The following TLL1 variants were observed in gnomAD, a reference collection of about 807,000 sequenced individuals.
TLL1 encodes the protein tolloid like 1.
TLL1 carries 49 observed loss-of-function variants against 128.2 expected under a neutral mutation model. The ratio of observed to expected loss-of-function variants is 0.38; its 90% confidence interval spans 0.30 to 0.48. TLL1 has a LOEUF of 0.48. Ranked by LOEUF, TLL1 falls within the 20% of genes least tolerant of loss-of-function variation. TLL1 has a pLI of 0.96. For synonymous variants in TLL1, 454 were observed against 418.8 expected, an observed-to-expected ratio of 1.08 and a Z score of -1.03; for missense variants, 1,123 against 1,242.0, an observed-to-expected ratio of 0.90 and a Z score of 1.44.
chr4:165,951,394 T>C (rs982522558), intron 1 of TLL1, among the ~76,000 whole-genome samples: 1 of 152,094 alleles, frequency 6.6e-6, no homozygotes, highest in African/African-American at 2.4e-5. Context: ...CGACTCAGAC[T>C]GCTGGCAGGA....
At chr4:165,920,316 A>G (rs780806021) in intron 1 of TLL1, among the ~76,000 whole-genome samples, 4 of 152,236 alleles carry the variant, frequency 2.6e-5, no homozygotes, top group Non-Finnish European at 5.9e-5. Context: ...ATGTGGGCAA[A>G]GGTGAAACAT....
chr4:165,932,070 T>C (rs1733553728), intron 1 of TLL1, among the ~76,000 whole-genome samples: 2 of 152,158 alleles, frequency 1.3e-5, no homozygotes, highest in African/African-American at 4.8e-5. Context: ...CTTCTTCGCC[T>C]ACTCTGGAAT....
At position 165,989,456 on chromosome 4, in the gene TLL1, C is replaced by G. The variant is rs148035251; in HGVS notation, c.245C>G (p.Thr82Arg). The G allele has an allele frequency of 6.2e-7, 1 of 1,612,628 alleles. No homozygotes were observed. Among genetic ancestry groups the G allele is most frequent in the Non-Finnish European group, 8.5e-7 (1 of 1,179,270 alleles). Residue 82 changes from threonine to arginine, a missense_variant, in exon 2 of 21, where the codon ACG becomes AGG. By Grantham distance (71) the Thr-to-Arg change is moderately conservative. Transcript: ENST00000061240. ...CAAATAGATAGGACAATTGACCTTACGCAGAACCCCTTTGGAAACCTTGGA... is the reference window on the plus strand; with the variant it reads ...CAAATAGATAGGACAATTGACCTTAGGCAGAACCCCTTTGGAAACCTTGGA... ...IFQIDRTIDL[T>R]QNPFGNLGHT... is the part of the protein sequence containing the mutation.
intron 7 of TLL1, among the ~76,000 whole-genome samples, chr4:166,009,643 T>A (rs1737593080): frequency 6.6e-6 from 1 of 151,430 alleles, no homozygotes; most frequent in African/African-American, 2.4e-5. Flanking sequence ...ATACAGGAGA[T>A]CATATCCACC....
At chr4:165,943,302 A>T (rs1425081614) in intron 1 of TLL1, among the ~76,000 whole-genome samples, 1 of 152,072 alleles carries the variant, frequency 6.6e-6, no homozygotes, top group Non-Finnish European at 1.5e-5. Flanking sequence ...CATCTCCACG[A>T]TAAGATAGAA....
At chr4:165,985,925 C>T (rs913450512) in intron 1 of TLL1, among the ~76,000 whole-genome samples, 23 of 151,900 alleles carry the variant, frequency 1.5e-4, no homozygotes, top group Admixed American at 5.9e-4. Context: ...CCCTATTTGA[C>T]CATAAGAATC....
chr4:166,029,590 T>A (rs946910267), intron 9 of TLL1, among the ~76,000 whole-genome samples: 13 of 152,116 alleles, frequency 8.5e-5, no homozygotes, highest in Non-Finnish European at 1.9e-4. Flanking sequence ...ATATTCACTT[T>A]GTTGTGAAAC....
At chr4:166,014,692 G>A in intron 8 of TLL1, 132 bp downstream of exon 8, 1 of 1,388,020 alleles carries the variant, frequency 7.2e-7, no homozygotes, top group Non-Finnish European at 1.0e-6. Context: ...TTCAAAGTCA[G>A]TAATCATAAA....
intron 1 of TLL1, among the ~76,000 whole-genome samples, chr4:165,936,956 A>G (rs1733791368): frequency 1.3e-5 from 2 of 152,082 alleles, no homozygotes; most frequent in African/African-American, 4.8e-5. Context: ...AAAACGAAAG[A>G]CACCCAGAAA....
chr4:166,072,641 C>T (rs1215354779), intron 16 of TLL1, among the ~76,000 whole-genome samples: 5 of 151,574 alleles, frequency 3.3e-5, no homozygotes, highest in African/African-American at 1.2e-4. Flanking sequence ...AAGGACTTAA[C>T]CTTTCCACTA....
Position 166,044,306 on chromosome 4 carries a change from A to G in TLL1, c.1524+887A>G, listed in dbSNP as rs1739363624. 19 of 1,462,652 alleles carry G rather than the reference A, an allele frequency of 1.3e-5. No homozygotes were observed. In the South Asian group the frequency reaches 1.9e-4, roughly 15 times the overall value. 90.6% of individuals were successfully genotyped at this position (1,462,652 alleles called of 1,614,324 possible). A position where few individuals can be genotyped will look rare whatever the true frequency, so the allele number is the denominator to read the frequency against. On this transcript the variant is annotated intron_variant, in intron 12 of 20. Coordinates refer to ENST00000061240, the MANE Select transcript of TLL1 (RefSeq NM_012464.5). ...TACCCAGTGGGTAGTAATGAGCACT[A>G]TGAACACTACTTACTGAGGGCAGTG...
At chr4:165,985,752 A>G (rs1014650366) in intron 1 of TLL1, among the ~76,000 whole-genome samples, 3 of 151,996 alleles carry the variant, frequency 2.0e-5, no homozygotes, top group Non-Finnish European at 4.4e-5. Context: ...TCTGCATACT[A>G]TAATAAAAGC....
chr4:165,962,652 T>C, intron 1 of TLL1, among the ~76,000 whole-genome samples: 1 of 151,852 alleles, frequency 6.6e-6, no homozygotes, highest in East Asian at 1.9e-4. Context: ...AGTAGCAAGG[T>C]AAGCCAGGTG....
rs1738105108 is a variant in TLL1 at position 166,019,339 on chromosome 4, T to C, written c.1042+4779T>C. On this transcript the variant is annotated intron_variant, in intron 8 of 20. Transcript: ENST00000061240. Reference sequence around the variant, plus strand: ...GTGGGAGGCGACAAGGATTGAAAAATTACCAGTTAGGTTCTATGCTCACTA... The same window carrying C: ...GTGGGAGGCGACAAGGATTGAAAAACTACCAGTTAGGTTCTATGCTCACTA... Among the ~76,000 whole-genome samples the C allele has an allele frequency of 2.0e-5, 3 of 152,024 alleles. No homozygotes were observed. In the South Asian group the frequency reaches 6.2e-4, roughly 32 times the overall value.
chr4:166,009,062 C>A (rs183511940), intron 7 of TLL1, among the ~76,000 whole-genome samples: 11 of 151,432 alleles, frequency 7.3e-5, no homozygotes, highest in Admixed American at 5.9e-4. Context: ...TTCTAAAGTA[C>A]ATTATTTATA....
chr4:166,085,253 T>TC (rs397822652), intron 18 of TLL1, among the ~76,000 whole-genome samples: 4 of 151,548 alleles, frequency 2.6e-5, no homozygotes, highest in Non-Finnish European at 5.9e-5. Flanking sequence ...TTTTTTTTTT[T>TC]CAATTTGGAT....
At chr4:165,966,883 T>C (rs916165258) in intron 1 of TLL1, among the ~76,000 whole-genome samples, 4 of 152,126 alleles carry the variant, frequency 2.6e-5, no homozygotes, top group Non-Finnish European at 1.5e-5. Context: ...ATTGTTAAGA[T>C]CTTATCAGGA....
intron 7 of TLL1, among the ~76,000 whole-genome samples, chr4:166,009,693 T>C (rs955675609): frequency 8.6e-5 from 13 of 151,660 alleles, no homozygotes; most frequent in African/African-American, 3.1e-4. Context: ...CACGTTATTT[T>C]ATTTTTTAAG....
Position 165,948,540 on chromosome 4 carries a change from G to A in TLL1, c.170-40841G>A, listed in dbSNP as rs534813574. On this transcript the variant is annotated intron_variant, in intron 1 of 20. Coordinates refer to ENST00000061240, the MANE Select transcript of TLL1 (RefSeq NM_012464.5). ...AGGCTGAGAAACCCAAGGTTGACGA[G>A]CTACAAGTGATGAAGGCTTTCCTGC... Among the ~76,000 whole-genome samples, 13 of 152,226 alleles carry A rather than the reference G, an allele frequency of 8.5e-5. No individual in the cohort carries two copies. The South Asian group carries it at 1.9e-3, about 22-fold the overall frequency.
Sources: allele counts gnomAD v4.1 joint callset (sites outside exome capture counted in the v4.1 genomes callset), GRCh38; gene constraint gnomAD v4.1.1; transcripts MANE v1.5; gene names NCBI Gene and HGNC (gene_info 2026-07-23, HGNC 2026-07-21).